The following TLK2 variants were observed in gnomAD, a reference collection of about 807,000 sequenced individuals.
TLK2 encodes the protein tousled like kinase 2, also known as serine/threonine-protein kinase tousled-like 2.
Under a neutral mutation model 117.3 loss-of-function variants are expected in TLK2, and 6 were observed. That is an observed-to-expected ratio of 0.05 (90% CI 0.03 to 0.10). The LOEUF is 0.10. Among genes scored for constraint, TLK2 ranks in the 10% least tolerant of loss-of-function variants. The probability of loss-of-function intolerance (pLI) is 1.00; values close to 1 mark genes in which losing one functional copy is unlikely to be tolerated. For missense variants in TLK2, 299 were observed against 901.2 expected (o/e 0.33, Z 8.56); for synonymous variants, 257 against 316.7 (o/e 0.81, Z 2.00).
intron 9 of TLK2, among the ~76,000 whole-genome samples, chr17:62,558,810 C>T (rs542883320): frequency 6.6e-6 from 1 of 152,148 alleles, no homozygotes; most frequent in South Asian, 2.1e-4. Context: ...TCATGGGTTA[C>T]TTTAAAAATG....
chr17:62,535,799 GAAAA>G (rs201842250), intron 6 of TLK2, among the ~76,000 whole-genome samples: 6,607 of 150,346 alleles, frequency 0.044, 258 homozygotes, highest in South Asian at 0.21. Context: ...AAAGAAAAAA[GAAAA>G]AAAAGTCATG....
intron 2 of TLK2, among the ~76,000 whole-genome samples, chr17:62,499,544 A>G (rs1323858566): frequency 6.6e-6 from 1 of 151,890 alleles, no homozygotes; most frequent in Non-Finnish European, 1.5e-5. Flanking sequence ...TCAAGGAGCC[A>G]TTTGTTGTAT....
chr17:62,566,194 T>A (rs181290791), intron 11 of TLK2, among the ~76,000 whole-genome samples: 1 of 152,308 alleles, frequency 6.6e-6, no homozygotes, highest in East Asian at 1.9e-4. Context: ...TCTTTTTTTT[T>A]TTAATCTCTA....
chr17:62,583,237 T>A (rs551634871), intron 15 of TLK2, among the ~76,000 whole-genome samples: 1 of 152,062 alleles, frequency 6.6e-6, no homozygotes, highest in Non-Finnish European at 1.5e-5. Flanking sequence ...GGATTACAGG[T>A]GTGCACCACC....
At chr17:62,539,760 C>G (rs2077374473) in intron 7 of TLK2, among the ~76,000 whole-genome samples, 3 of 152,062 alleles carry the variant, frequency 2.0e-5, no homozygotes. Flanking sequence ...CCTCGGCCTC[C>G]CCAAAGTTCT....
Position 62,596,681 on chromosome 17 carries a change from G to C in TLK2, c.1550+7G>C, listed in dbSNP as rs2082499640. On this transcript the variant is annotated splice_region_variant and intron_variant, in intron 17 of 21. Transcript: ENST00000346027. The stretch of plus-strand genomic sequence containing the variant: ...TTTCACTGGATACTGACTCGTAAGT[G>C]CTGTGCTGTTTTACCTTAACAGTTA... 1 of 1,611,438 alleles carries C rather than the reference G, an allele frequency of 6.2e-7. No individual in the cohort carries two copies.
rs982584429 is a variant in TLK2, at chr17:62,614,878, C to G, written c.*2313C>G. 3 of 152,106 alleles carry G rather than the reference C, an allele frequency of 2.0e-5. No homozygotes were observed. Among genetic ancestry groups the G allele is most frequent in the East Asian group, 1.9e-4 (1 of 5,202 alleles). The allele number at this position is 152,106 out of a possible 1,614,324, so 9.4% of individuals were successfully genotyped here. ...ATGAAGACATGGATGAAGCTGAGAC[C>G]GTGTTCAAACTCACTGAAAACAATG... On this transcript the variant is annotated 3_prime_UTR_variant, in exon 22 of 22. Coordinates refer to ENST00000346027, the MANE Select transcript of TLK2 (RefSeq NM_006852.6).
intron 2 of TLK2, among the ~76,000 whole-genome samples, chr17:62,483,210 A>G (rs1367672445): frequency 7.3e-6 from 1 of 137,526 alleles, no homozygotes; most frequent in East Asian, 2.0e-4. Context: ...CGCCTCCCGT[A>G]AGTCAGTAAG....
chr17:62,533,884 G>T (rs2145793925), intron 6 of TLK2, among the ~76,000 whole-genome samples: 1 of 152,214 alleles, frequency 6.6e-6, no homozygotes, highest in African/African-American at 2.4e-5. Context: ...ATGATAAAAG[G>T]TAGGAATCTT....
chr17:62,599,485 C>G (rs1399689996), intron 17 of TLK2, among the ~76,000 whole-genome samples: 1 of 152,108 alleles, frequency 6.6e-6, no homozygotes, highest in Non-Finnish European at 1.5e-5. Context: ...GCCCATGTGT[C>G]CATTGGTGTT....
intron 7 of TLK2, among the ~76,000 whole-genome samples, chr17:62,548,011 A>G (rs553656718): frequency 2.1e-4 from 32 of 152,218 alleles, no homozygotes; most frequent in Admixed American, 2.0e-3. Flanking sequence ...CATTATGGGT[A>G]ATTAAAGTCC....
chr17:62,560,944 G>A (rs1388257205), intron 10 of TLK2, among the ~76,000 whole-genome samples: 1 of 151,856 alleles, frequency 6.6e-6, no homozygotes, highest in Non-Finnish European at 1.5e-5. Flanking sequence ...GTCATTTAAC[G>A]TTAGGTGTAT....
At chr17:62,590,247 C>G (rs955504452) in intron 16 of TLK2, among the ~76,000 whole-genome samples, 2 of 151,350 alleles carry the variant, frequency 1.3e-5, no homozygotes, top group Non-Finnish European at 3.0e-5. Flanking sequence ...GCCTGACCAA[C>G]ATGGTGAAAC....
At chr17:62,589,848 C>T (rs2081940474) in intron 16 of TLK2, among the ~76,000 whole-genome samples, 1 of 151,636 alleles carries the variant, frequency 6.6e-6, no homozygotes, top group Admixed American at 6.6e-5. Flanking sequence ...ACTCTGTTGC[C>T]CAGACTGGAG....
intron 6 of TLK2, among the ~76,000 whole-genome samples, chr17:62,527,383 G>A (rs895340515): frequency 6.6e-6 from 1 of 152,052 alleles, no homozygotes; most frequent in African/African-American, 2.4e-5. Flanking sequence ...CACATTGTAA[G>A]TCTACAGTTC....
chr17:62,547,208 T>A (rs1031978765), intron 7 of TLK2, among the ~76,000 whole-genome samples: 1 of 152,222 alleles, frequency 6.6e-6, no homozygotes, highest in Non-Finnish European at 1.5e-5. Flanking sequence ...TATTGAATTA[T>A]CTTTTAACTC....
intron 2 of TLK2, among the ~76,000 whole-genome samples, chr17:62,513,285 C>CT (rs1325034017): frequency 9.4e-5 from 10 of 106,096 alleles, no homozygotes; most frequent in African/African-American, 1.8e-4. Context: ...TTAAAAGTCT[C>CT]TTTTTTTCAA....
At chr17:62,605,452 A>G (rs971819868) in intron 19 of TLK2, among the ~76,000 whole-genome samples, 4 of 152,078 alleles carry the variant, frequency 2.6e-5, no homozygotes, top group Admixed American at 6.5e-5. Flanking sequence ...GGCTCACTGC[A>G]GTCAACCTCC....
chr17:62,529,834 T>A (rs1049089747), intron 6 of TLK2, among the ~76,000 whole-genome samples: 2 of 152,186 alleles, frequency 1.3e-5, no homozygotes, highest in Non-Finnish European at 2.9e-5. Flanking sequence ...TTGGATTTTT[T>A]TTTTAAGTCA....
Sources: gnomAD v4.1 joint callset for allele counts (sites outside exome capture counted in the v4.1 genomes callset) on GRCh38, gnomAD v4.1.1 for gene constraint, MANE v1.5 for transcripts, NCBI Gene and HGNC (gene_info 2026-07-23, HGNC 2026-07-21) for gene names.